The following TRIM37 variants were observed in gnomAD, a reference collection of about 807,000 sequenced individuals.
The protein encoded by TRIM37 is tripartite motif containing 37.
TRIM37 carries 80 observed loss-of-function variants against 129.8 expected under a neutral mutation model. That is an observed-to-expected ratio of 0.62 (90% CI 0.51 to 0.74). The LOEUF is 0.74. TRIM37 is among the 30% of genes least tolerant of loss of function. The pLI is 0.00. For missense variants in TRIM37, 1,054 were observed against 1,176.5 expected (o/e 0.90, Z 1.52); for synonymous variants, 389 against 387.1 (o/e 1.00, Z -0.06).
At chr17:58,978,803 C>A (rs1001793117), downstream of TRIM37, among the ~76,000 whole-genome samples, 1 of 152,086 alleles carries the variant, frequency 6.6e-6, no homozygotes, top group Admixed American at 6.5e-5. Flanking sequence ...TCACAAGGTA[C>A]CTAAAGGAAT....
At chr17:59,089,425 A>G (rs1288919549) in intron 3 of TRIM37, among the ~76,000 whole-genome samples, 1 of 152,062 alleles carries the variant, frequency 6.6e-6, no homozygotes, top group East Asian at 1.9e-4. Flanking sequence ...GGTGGATCAC[A>G]AGGTCAGGAG....
chr17:59,062,266 C>T (rs1439583030), intron 11 of TRIM37, among the ~76,000 whole-genome samples: 2 of 152,008 alleles, frequency 1.3e-5, no homozygotes, highest in East Asian at 3.9e-4. Context: ...AAAATATGAG[C>T]CAAGGATTTT....
intron 7 of TRIM37, among the ~76,000 whole-genome samples, chr17:59,078,513 T>C (rs139635448): frequency 6.6e-6 from 1 of 152,262 alleles, no homozygotes; most frequent in Non-Finnish European, 1.5e-5. Flanking sequence ...CATGCAAATG[T>C]TTATTTGGCT....
At chr17:59,049,076 A>G in intron 15 of TRIM37, 102 bp downstream of exon 15, 1 of 918,408 alleles carries the variant, frequency 1.1e-6, no homozygotes. Context: ...TCAATGGACA[A>G]TATTTTTAGC....
At position 59,010,473 on chromosome 17, in the gene TRIM37, T is replaced by C. The variant is rs755539707; in HGVS notation, c.2695+1855A>G. 4.6e-5 allele frequency among the ~76,000 whole-genome samples: 7 copies of C among 152,284 alleles called. No homozygotes were observed. In the East Asian group the frequency reaches 5.8e-4, roughly 13 times the overall value. On this transcript the variant is annotated intron_variant, in intron 22 of 23. Coordinates refer to ENST00000262294, the MANE Select transcript of TRIM37 (RefSeq NM_015294.6). Reference sequence around the variant, plus strand: ...CGGTAAATTAGAAGCATTTCATAAATGTTGCATGAAAAAAATGAGCTTGTT... The same window carrying C: ...CGGTAAATTAGAAGCATTTCATAAACGTTGCATGAAAAAAATGAGCTTGTT...
intron 24 of TRIM37, among the ~76,000 whole-genome samples, chr17:58,992,600 G>A (rs1029473508): frequency 2.0e-5 from 3 of 151,976 alleles, no homozygotes; most frequent in Admixed American, 6.6e-5. Flanking sequence ...GGCTGGTCTC[G>A]AACTCCCGAC....
intron 17 of TRIM37, among the ~76,000 whole-genome samples, chr17:59,037,557 C>CAAAAAAAAAAAAAAAAAA (rs58856834): frequency 5.4e-5 from 4 of 74,034 alleles, no homozygotes; most frequent in Non-Finnish European, 5.2e-5. Context: ...GACTCTGTCT[C>CAAAAAAAAAAAAAAAAAA]AAAAAAAAAA....
At chr17:58,995,563 A>C (rs950258406), downstream of TRIM37, among the ~76,000 whole-genome samples, 2 of 152,232 alleles carry the variant, frequency 1.3e-5, no homozygotes, top group Admixed American at 6.5e-5. Flanking sequence ...AGATATATAA[A>C]GTAGCTGATA....
At chr17:58,993,160 C>T (rs1394528080) in intron 24 of TRIM37, among the ~76,000 whole-genome samples, 1 of 152,158 alleles carries the variant, frequency 6.6e-6, no homozygotes, top group African/African-American at 2.4e-5. Flanking sequence ...TCTCGTCTGC[C>T]ACCACATGAG....
intron 7 of TRIM37, among the ~76,000 whole-genome samples, chr17:59,078,222 GA>G (rs1035135639): frequency 1.3e-5 from 2 of 151,988 alleles, no homozygotes; most frequent in African/African-American, 4.8e-5. Context: ...AACTAACCCT[GA>G]AAATATCCTT....
chr17:59,000,333 C>T (rs1188550054), intron 23 of TRIM37, among the ~76,000 whole-genome samples: 1 of 152,186 alleles, frequency 6.6e-6, no homozygotes, highest in African/African-American at 2.4e-5. Context: ...GGCATGGTAG[C>T]TCACACCTGT....
rs2033340271 is a variant in TRIM37, at chr17:58,999,117, A to T, written c.*260T>A. ...ACAAACTGCCTTTTGTGAATGTACA[A>T]ATTTGCTAAATTAATAGAGAACTAC... On this transcript the variant is annotated 3_prime_UTR_variant, in exon 24 of 24. Coordinates refer to ENST00000262294, the MANE Select transcript of TRIM37 (RefSeq NM_015294.6). 3.1e-6 allele frequency: 4 copies of T among 1,286,790 alleles called. No individual in the cohort carries two copies. The African/African-American group carries it at 6.1e-5, about 20-fold the overall frequency. The allele number at this position is 1,286,790 out of a possible 1,614,324, so 79.7% of individuals were successfully genotyped here.
chr17:59,011,970 C>T (rs1470123518), intron 22 of TRIM37, among the ~76,000 whole-genome samples: 1 of 152,064 alleles, frequency 6.6e-6, no homozygotes, highest in Non-Finnish European at 1.5e-5. Context: ...TATGTAGGTG[C>T]CTTAACATAT....
downstream of TRIM37, among the ~76,000 whole-genome samples, chr17:58,996,117 TCC>T (rs1453914887): frequency 2.0e-5 from 3 of 151,982 alleles, no homozygotes; most frequent in Non-Finnish European, 1.5e-5. Flanking sequence ...TAGTAGGAAA[TCC>T]TCACAGACAC....
chr17:59,001,727 A>AAGG lies in TRIM37; in HGVS notation c.2696-16_2696-14dup. On this transcript the variant is annotated splice_polypyrimidine_tract_variant and intron_variant, in intron 22 of 23. Transcript: ENST00000262294. The stretch of plus-strand genomic sequence containing the variant: ...TCGCTACTCATTCCTGGCAGGAAGG[A>AAGG]AGGAGAACATGTTTCTGAAAAGAAA... The AAGG allele has an allele frequency of 6.2e-7, 1 of 1,613,924 alleles. No individual in the cohort carries two copies.
At chr17:59,032,197 C>T (rs1318202419) in intron 17 of TRIM37, 107 bp from the exon 18 acceptor site, 3 of 1,202,214 alleles carry the variant, frequency 2.5e-6, no homozygotes, top group African/African-American at 1.5e-5. Flanking sequence ...ATGGACCTAT[C>T]TCTTAGGAGT....
chr17:59,005,824 T>C (rs1163895806), intron 22 of TRIM37, among the ~76,000 whole-genome samples: 4 of 152,208 alleles, frequency 2.6e-5, no homozygotes, highest in African/African-American at 9.6e-5. Context: ...AAGTATACCA[T>C]GTGTAAACTC....
Position 59,065,145 on chromosome 17 carries a change from C to G in TRIM37, c.810-740G>C, listed in dbSNP as rs368311140. ...CATTATATAATTATTAAACTAAGTA[C>G]AAGAAATACACTTTAAAAAGTACTC... is the stretch of plus-strand genomic sequence containing the variant. On this transcript the variant is annotated intron_variant, in intron 9 of 23. Coordinates refer to ENST00000262294, the MANE Select transcript of TRIM37 (RefSeq NM_015294.6). 5.5e-4 allele frequency among the ~76,000 whole-genome samples: 83 copies of G among 151,992 alleles called. 1 individual carries two copies. The South Asian group carries it at 6.7e-3, about 12-fold the overall frequency.
intron 8 of TRIM37, among the ~76,000 whole-genome samples, chr17:59,074,869 C>G (rs984679397): frequency 3.3e-5 from 5 of 152,178 alleles, no homozygotes; most frequent in Non-Finnish European, 5.9e-5. Context: ...AATATAAACT[C>G]TATGAGGACA....
Sources: allele counts gnomAD v4.1 joint callset (sites outside exome capture counted in the v4.1 genomes callset), GRCh38; gene constraint gnomAD v4.1.1; transcripts MANE v1.5; gene names NCBI Gene and HGNC (gene_info 2026-07-23, HGNC 2026-07-21).